The following FRMD4A variants were observed in gnomAD, a reference collection of about 807,000 sequenced individuals.
The protein encoded by FRMD4A is FERM domain containing 4A, also known as FERM domain-containing protein 4A.
Under a neutral mutation model 129.1 loss-of-function variants are expected in FRMD4A, and 29 were observed. The ratio of observed to expected loss-of-function variants is 0.22; its 90% CI spans 0.17 to 0.31. The LOEUF (loss-of-function observed/expected upper bound fraction) is 0.31, where lower values mean the gene tolerates loss of function less well. FRMD4A is among the 10% of genes least tolerant of loss of function. FRMD4A has a pLI of 1.00. For missense variants in FRMD4A, 1,272 were observed against 1,375.8 expected, an observed-to-expected ratio of 0.92 and a Z score of 1.19; for synonymous variants, 634 against 571.6, an observed-to-expected ratio of 1.11 and a Z score of -1.56.
intron 2 of FRMD4A, among the ~76,000 whole-genome samples, chr10:13,933,551 T>C (rs2095221428): frequency 1.3e-5 from 2 of 152,220 alleles, no homozygotes; most frequent in Admixed American, 6.5e-5. Flanking sequence ...TTTGAAAGAA[T>C]GAAGGGTTTC....
chr10:14,158,496 C>A lies in FRMD4A; in HGVS notation c.45+171562G>T, dbSNP rs565797947. Among the ~76,000 whole-genome samples, 3 of 152,054 alleles carry A rather than the reference C, an allele frequency of 2.0e-5. No homozygotes were observed. The South Asian group carries it at 6.2e-4, about 32-fold the overall frequency. ...AGTATGGTGGTGTGAGTCTGTGGCC[C>A]CAGCTACTCGAGAGCTGAGGCAGGA... On this transcript the variant is annotated intron_variant, in intron 2 of 24. Transcript: ENST00000357447.
intron 2 of FRMD4A, among the ~76,000 whole-genome samples, chr10:14,026,231 C>T (rs781485799): frequency 2.0e-5 from 3 of 152,148 alleles, no homozygotes; most frequent in African/African-American, 4.8e-5. Context: ...CGGGTATGAA[C>T]GGTTAAAACT....
chr10:13,985,847 T>C (rs909924318), intron 2 of FRMD4A, among the ~76,000 whole-genome samples: 3 of 152,226 alleles, frequency 2.0e-5, no homozygotes, highest in African/African-American at 7.2e-5. Flanking sequence ...CTGCCAGCCC[T>C]GGCGATGCTG....
intron 2 of FRMD4A, chr10:13,972,408 T>A (rs1459203233): frequency 1.4e-5 from 10 of 731,724 alleles, no homozygotes; most frequent in Non-Finnish European, 1.7e-5. Flanking sequence ...GCCAGGCATT[T>A]TCTTTGGAAG....
At chr10:14,210,927 C>T (rs1450351458) in intron 2 of FRMD4A, among the ~76,000 whole-genome samples, 1 of 152,124 alleles carries the variant, frequency 6.6e-6, no homozygotes, top group Non-Finnish European at 1.5e-5. Flanking sequence ...TGGTGTTTCA[C>T]CGTCTTGACC....
Position 14,129,371 on chromosome 10 carries a change from C to CATATATATATATAT in FRMD4A, c.45+200673_45+200686dup, listed in dbSNP as rs3033977. 1.3e-4 allele frequency among the ~76,000 whole-genome samples: 6 copies of CATATATATATATAT among 46,200 alleles called. 1 individual carries two copies. Among genetic ancestry groups the CATATATATATATAT allele is most frequent in the Admixed American group, 2.4e-4 (1 of 4,208 alleles). The allele number at this position is 46,200 out of a possible 152,430, so 30.3% of individuals were successfully genotyped here. On this transcript the variant is annotated intron_variant, in intron 2 of 24. Coordinates refer to ENST00000357447, the MANE Select transcript of FRMD4A (RefSeq NM_018027.5). ...AATTTAAAACAACACAATTATGATT[C>CATATATATATATAT]ATATATATATATATATATATATATA...
chr10:13,891,448 C>A (rs1331557877), intron 2 of FRMD4A, among the ~76,000 whole-genome samples: 1 of 152,050 alleles, frequency 6.6e-6, no homozygotes, highest in Non-Finnish European at 1.5e-5. Context: ...CAGTATGTGC[C>A]CCACGTGGGA....
chr10:14,299,181 A>G (rs1459915124), intron 2 of FRMD4A, among the ~76,000 whole-genome samples: 1 of 152,220 alleles, frequency 6.6e-6, no homozygotes, highest in Non-Finnish European at 1.5e-5. Flanking sequence ...AGCTAAGGAT[A>G]TCCCATTCTC....
intron 11 of FRMD4A, 91 bp downstream of exon 11, chr10:13,740,103 G>GAAA: frequency 1.2e-6 from 1 of 816,272 alleles, no homozygotes; most frequent in Non-Finnish European, 2.1e-6. Context: ...TATCTCAAAA[G>GAAA]AAAAAGAAAA....
chr10:14,061,582 C>T (rs1197325242), intron 2 of FRMD4A, among the ~76,000 whole-genome samples: 1 of 152,154 alleles, frequency 6.6e-6, no homozygotes, highest in Non-Finnish European at 1.5e-5. Flanking sequence ...TTGTCAATTT[C>T]CTCCCTATCC....
intron 2 of FRMD4A, among the ~76,000 whole-genome samples, chr10:13,957,262 G>GC (rs2095414970): frequency 6.6e-6 from 1 of 152,138 alleles, no homozygotes; most frequent in African/African-American, 2.4e-5. Flanking sequence ...CTTCCTTTTT[G>GC]TTTTTTGTGA....
rs756570465 is a variant in FRMD4A at position 14,133,122 on chromosome 10, T to A, written c.45+196936A>T. Among the ~76,000 whole-genome samples, 67 of 152,296 alleles carry A rather than the reference T, an allele frequency of 4.4e-4. 1 individual carries two copies. The highest frequency in any genetic ancestry group is 9.2e-4 in the Admixed American group (14 of 15,298). On this transcript the variant is annotated intron_variant, in intron 2 of 24. Transcript: ENST00000357447. ...ATGGCAGAAGGAAGTGCATTTTTGA[T>A]AAAAATGATTTCAATTTAGCACATG...
At chr10:13,743,208 A>G (rs1032800662) in intron 9 of FRMD4A, among the ~76,000 whole-genome samples, 1 of 152,066 alleles carries the variant, frequency 6.6e-6, no homozygotes, top group African/African-American at 2.4e-5. Flanking sequence ...AGGAAGTTCT[A>G]TATCAAGTGT....
intron 2 of FRMD4A, among the ~76,000 whole-genome samples, chr10:14,150,747 A>G (rs1261043301): frequency 1.3e-5 from 2 of 152,188 alleles, no homozygotes; most frequent in Admixed American, 6.5e-5. Flanking sequence ...TTCCTAGGAA[A>G]CACGCTTACA....
intron 2 of FRMD4A, among the ~76,000 whole-genome samples, chr10:14,103,162 A>T (rs1837401089): frequency 6.6e-6 from 1 of 152,214 alleles, no homozygotes; most frequent in Non-Finnish European, 1.5e-5. Flanking sequence ...GCTGAAGTGA[A>T]GAGATGGCCA....
intron 8 of FRMD4A, among the ~76,000 whole-genome samples, chr10:13,760,525 A>C (rs2092027707): frequency 6.6e-6 from 1 of 152,022 alleles, no homozygotes; most frequent in Non-Finnish European, 1.5e-5. Flanking sequence ...TCTCTGAAAA[A>C]AATTAAAAAA....
chr10:13,891,769 G>A (rs2094700088), intron 2 of FRMD4A: 4 of 963,500 alleles, frequency 4.2e-6, no homozygotes, highest in Non-Finnish European at 3.7e-6. Flanking sequence ...CCCCCGCCCC[G>A]TCCCCGCCGC....
chr10:13,906,882 G>A (rs61834314), intron 2 of FRMD4A, among the ~76,000 whole-genome samples: 1 of 152,152 alleles, frequency 6.6e-6, no homozygotes, highest in Non-Finnish European at 1.5e-5. Flanking sequence ...CAGCAATTGA[G>A]GGTGCACTGT....
intron 2 of FRMD4A, among the ~76,000 whole-genome samples, chr10:14,099,110 T>A (rs563947032): frequency 1.6e-4 from 24 of 152,244 alleles, no homozygotes; most frequent in African/African-American, 5.3e-4. Flanking sequence ...TTAGATCCGG[T>A]TTTTGAGGAC....
Sources: gnomAD v4.1 joint callset for allele counts (sites outside exome capture counted in the v4.1 genomes callset) on GRCh38, gnomAD v4.1.1 for gene constraint, MANE v1.5 for transcripts, NCBI Gene and HGNC (gene_info 2026-07-23, HGNC 2026-07-21) for gene names.